The following TIAM2 variants were observed in gnomAD, a reference collection of about 807,000 sequenced individuals.
TIAM2 encodes rho guanine nucleotide exchange factor TIAM2.
Under a neutral mutation model 152.9 loss-of-function variants are expected in TIAM2, and 80 were observed. That is an observed-to-expected ratio of 0.52 (90% confidence interval 0.44 to 0.63). The LOEUF (loss-of-function observed/expected upper bound fraction) is 0.63. Among genes scored for constraint, TIAM2 ranks in the 30% least tolerant of loss-of-function variants. The pLI, the probability that TIAM2 is intolerant of heterozygous loss-of-function variation, is 0.00. For missense variants in TIAM2, 1,965 were observed against 2,120.1 expected (o/e 0.93, Z 1.44); for synonymous variants, 804 against 838.0 (o/e 0.96, Z 0.70).
At chr6:155,012,731 A>C (rs1366729031) in intron 1 of TIAM2, among the ~76,000 whole-genome samples, 4 of 152,042 alleles carry the variant, frequency 2.6e-5, no homozygotes, top group Non-Finnish European at 5.9e-5. Context: ...TTGTAGTTTT[A>C]GTAGAGATGG....
In TIAM2 at chr6:155,156,532, C is replaced by T. The variant is rs998140458; in HGVS notation, c.2029-7883C>T. Among the ~76,000 whole-genome samples the T allele has an allele frequency of 3.9e-5, 6 of 152,142 alleles. No individual in the cohort carries two copies. The highest frequency in any genetic ancestry group is 7.4e-5 in the Non-Finnish European group (5 of 68,018). ...AATTAGCCAGGTGTCGTGGCGCATA[C>T]CTGTAATCCCAGCTACTCGGGAGGC... On this transcript the variant is annotated intron_variant, in intron 7 of 26. Transcript: ENST00000682666. This position sits in a 1 kb window ranked among gnomAD's most constrained non-coding sequence, Gnocchi z 4.4.
At chr6:155,045,393 A>G (rs75283848) in intron 1 of TIAM2, among the ~76,000 whole-genome samples, 4,947 of 152,228 alleles carry the variant, frequency 0.032, 234 homozygotes, top group African/African-American at 0.11. Flanking sequence ...TTTTCTTCAA[A>G]ACAGCTTGGT....
intron 1 of TIAM2, among the ~76,000 whole-genome samples, chr6:155,040,718 C>T (rs1343962477): frequency 1.3e-5 from 2 of 152,022 alleles, no homozygotes; most frequent in African/African-American, 2.4e-5. Context: ...GGGGTTTCAC[C>T]GTGTTGGCCA....
chr6:155,148,052 G>T, intron 6 of TIAM2, 58 bp from the exon 7 acceptor site: 1 of 1,565,218 alleles, frequency 6.4e-7, no homozygotes, highest in Non-Finnish European at 8.8e-7. Flanking sequence ...CTGCCATTTT[G>T]GAGAGCACTT....
chr6:155,228,288 G>T (rs1782317713), intron 15 of TIAM2, among the ~76,000 whole-genome samples: 1 of 152,220 alleles, frequency 6.6e-6, no homozygotes, highest in Non-Finnish European at 1.5e-5. Flanking sequence ...AGATTTGTCA[G>T]AGCTCTAGTC....
intron 1 of TIAM2, among the ~76,000 whole-genome samples, chr6:155,088,052 C>CT (rs113372173): frequency 0.037 from 4,441 of 118,928 alleles, 185 homozygotes; most frequent in African/African-American, 0.089. Flanking sequence ...TTCTTTCTTT[C>CT]TTTTTTTTTT....
intron 1 of TIAM2, among the ~76,000 whole-genome samples, chr6:155,017,506 C>CT (rs35552958): frequency 0.2 from 25,188 of 128,862 alleles, 3,044 homozygotes; most frequent in Middle Eastern, 0.27. Context: ...TCCATTTTGT[C>CT]TTTTTTTTTT....
chr6:155,257,282 A>G lies in TIAM2; in HGVS notation c.*161A>G. 1 of 821,254 alleles carries G rather than the reference A, an allele frequency of 1.2e-6. No individual in the cohort carries two copies. The highest frequency in any genetic ancestry group is 1.8e-6 in the Non-Finnish European group (1 of 543,830). The allele number at this position is 821,254 out of a possible 1,614,324, so 50.9% of individuals were successfully genotyped here. A position where few individuals can be genotyped will look rare whatever the true frequency, so the allele number is the denominator to read the frequency against. On this transcript the variant is annotated 3_prime_UTR_variant, in exon 27 of 27. Transcript: ENST00000682666. Reference sequence around the variant, plus strand: ...GGTTGTAAAGATTTAAGTTATTTTAATTTATTGTGGATCAGAAACCTAGAT... The same window carrying G: ...GGTTGTAAAGATTTAAGTTATTTTAGTTTATTGTGGATCAGAAACCTAGAT...
At chr6:155,246,353 T>A (rs560335317) in intron 19 of TIAM2, among the ~76,000 whole-genome samples, 68 of 152,222 alleles carry the variant, frequency 4.5e-4, no homozygotes, top group Middle Eastern at 3.4e-3. Context: ...AAGCCCCACA[T>A]TTAAAAAGTG....
chr6:155,082,666 C>CAATAAATAATAAATA (rs1554228917), intron 1 of TIAM2, among the ~76,000 whole-genome samples: 3 of 141,348 alleles, frequency 2.1e-5, no homozygotes, highest in South Asian at 4.6e-4. Flanking sequence ...AAAAAAACCC[C>CAATAAATAATAAATA]AATAAATAAA....
Position 155,257,382 on chromosome 6 carries a change from A to AAATT in TIAM2, c.*263_*266dup, listed in dbSNP as rs933584491. The AAATT allele has an allele frequency of 1.8e-5, 8 of 432,438 alleles. No homozygotes were observed. The highest frequency in any genetic ancestry group is 1.2e-4 in the African/African-American group (6 of 48,238). The allele number at this position is 432,438 out of a possible 1,614,324, so 26.8% of individuals were successfully genotyped here. ...GGTATCAAATGATTTAGGATCCTTAAAATTACATTCTAATAATTAAGTTAT... is the reference window on the plus strand; with the variant it reads ...GGTATCAAATGATTTAGGATCCTTAAAATTAATTACATTCTAATAATTAAGTTAT... On this transcript the variant is annotated 3_prime_UTR_variant, in exon 27 of 27. Transcript: ENST00000682666.
intron 7 of TIAM2, among the ~76,000 whole-genome samples, chr6:155,149,908 G>T (rs1218656679): frequency 1.3e-5 from 2 of 149,332 alleles, no homozygotes; most frequent in Non-Finnish European, 3.0e-5. Context: ...GGGGAAGAGT[G>T]AGACTCTGTA....
Position 155,257,579 on chromosome 6 carries a change from A to AAGAT in TIAM2, c.*463_*466dup, listed in dbSNP as rs10568542. The stretch of plus-strand genomic sequence containing the variant: ...AAATGTGCAGATACTTCATTTTTGT[A>AAGAT]AGATAGATTGTAATAGATGCTGTTT... On this transcript the variant is annotated 3_prime_UTR_variant, in exon 27 of 27. Transcript: ENST00000682666. 15 of 446,526 alleles carry AAGAT rather than the reference A, an allele frequency of 3.4e-5. No individual in the cohort carries two copies. Among genetic ancestry groups the AAGAT allele is most frequent in the Admixed American group, 8.2e-5 (2 of 24,296 alleles). The allele number at this position is 446,526 out of a possible 1,614,324, so 27.7% of individuals were successfully genotyped here.
chr6:155,139,076 G>T (rs1256652069), intron 5 of TIAM2, among the ~76,000 whole-genome samples: 1 of 152,194 alleles, frequency 6.6e-6, no homozygotes, highest in Non-Finnish European at 1.5e-5. Flanking sequence ...TGAGTGTGTT[G>T]TTCAAAAGCC....
At chr6:155,198,494 C>G (rs1781398663) in intron 14 of TIAM2, among the ~76,000 whole-genome samples, 2 of 151,968 alleles carry the variant, frequency 1.3e-5, no homozygotes, top group South Asian at 2.1e-4. Flanking sequence ...GAAACCCCAT[C>G]TTTACTAAAA....
chr6:155,111,669 C>A (rs922951296), intron 2 of TIAM2, among the ~76,000 whole-genome samples: 2 of 152,152 alleles, frequency 1.3e-5, no homozygotes, highest in South Asian at 4.1e-4. Flanking sequence ...GCGTGCAATT[C>A]CTCTCCCTTT....
chr6:155,135,449 T>A (rs1779534979), intron 4 of TIAM2, among the ~76,000 whole-genome samples: 1 of 152,250 alleles, frequency 6.6e-6, no homozygotes, highest in Non-Finnish European at 1.5e-5. Context: ...GTCTTGAGTG[T>A]GCTTGGCGTC....
At chr6:155,006,150 C>T (rs1490030524) in intron 1 of TIAM2, among the ~76,000 whole-genome samples, 3 of 152,172 alleles carry the variant, frequency 2.0e-5, no homozygotes, top group South Asian at 2.1e-4. Flanking sequence ...ATTAGTTTTA[C>T]AGATGGGAGG....
At chr6:155,220,423 C>T (rs1168897784) in intron 15 of TIAM2, among the ~76,000 whole-genome samples, 3 of 152,166 alleles carry the variant, frequency 2.0e-5, no homozygotes, top group African/African-American at 7.2e-5. Flanking sequence ...GGTCTGGAGG[C>T]CTGGCGGGCT....
Sources: allele counts gnomAD v4.1 joint callset (sites outside exome capture counted in the v4.1 genomes callset), GRCh38; gene constraint gnomAD v4.1.1; non-coding constraint Gnocchi (gnomAD v3.1); transcripts MANE v1.5; gene names NCBI Gene and HGNC (gene_info 2026-07-23, HGNC 2026-07-21).